NCOR2: variants seen among roughly 807,000 people sequenced by gnomAD.
The protein encoded by NCOR2 is nuclear receptor corepressor 2.
NCOR2 carries 81 observed loss-of-function variants against 262.9 expected under a neutral mutation model. The observed-to-expected ratio is 0.31, with a 90% CI of 0.26 to 0.37. The LOEUF is 0.37. Among genes scored for constraint, NCOR2 ranks in the 10% least tolerant of loss-of-function variants. NCOR2 has a pLI of 1.00. For missense variants in NCOR2, 3,385 were observed against 3,621.4 expected (o/e 0.93, Z 1.68); for synonymous variants, 1,659 against 1,559.3 (o/e 1.06, Z -1.51).
chr12:124,447,810 C>A (rs1415231206), intron 7 of NCOR2, among the ~76,000 whole-genome samples: 1 of 151,886 alleles, frequency 6.6e-6, no homozygotes, highest in Non-Finnish European at 1.5e-5. Flanking sequence ...GATTCTCCCT[C>A]CTTCGCCTCC....
In NCOR2 at chr12:124,544,461, C is replaced by T. The variant is rs553541286; in HGVS notation, c.-164-8850G>A. The stretch of plus-strand genomic sequence containing the variant: ...CTCCCTGGAGGGCGGGGGCACCATC[C>T]GCCAGAAGCAATTAATTGCTGGGTC... On this transcript the variant is annotated intron_variant, in intron 1 of 32. Transcript: ENST00000458234. Among the ~76,000 whole-genome samples, 67 of 152,288 alleles carry T rather than the reference C, an allele frequency of 4.4e-4. No individual in the cohort carries two copies. In the South Asian group the frequency reaches 5.0e-3, roughly 11 times the overall value.
intron 1 of NCOR2, among the ~76,000 whole-genome samples, chr12:124,488,551 T>G (rs1407575814): frequency 1.3e-5 from 2 of 152,022 alleles, no homozygotes; most frequent in South Asian, 2.1e-4. Flanking sequence ...GGCACGAGCC[T>G]CCTCCTGCAT....
intron 3 of NCOR2, among the ~76,000 whole-genome samples, chr12:124,476,193 G>A (rs759978650): frequency 9.2e-5 from 14 of 152,186 alleles, no homozygotes; most frequent in South Asian, 2.1e-4. Context: ...GGCTGGCTCC[G>A]CTACCCAGAG....
chr12:124,413,058 C>A (rs2042671212), intron 13 of NCOR2, among the ~76,000 whole-genome samples: 1 of 152,212 alleles, frequency 6.6e-6, no homozygotes, highest in Non-Finnish European at 1.5e-5. Context: ...ACTTCTCACC[C>A]CCAGCCCACA....
intron 13 of NCOR2, among the ~76,000 whole-genome samples, chr12:124,417,328 C>T (rs1593446261): frequency 1.3e-5 from 2 of 152,092 alleles, no homozygotes; most frequent in Admixed American, 1.3e-4. Flanking sequence ...CTCACTCTAC[C>T]ACAGTACAGG....
exon 43 of NCOR2, chr12:124,332,383 G>T: frequency 6.2e-7 from 1 of 1,614,210 alleles, no homozygotes; most frequent in South Asian, 1.1e-5. Flanking sequence ...TCTTGGACTT[G>T]ACCATGGCGG....
chr12:124,427,389 A>G lies in NCOR2; in HGVS notation c.1150-589T>C, dbSNP rs550350242. On this transcript the variant is annotated intron_variant, in intron 10 of 46. Coordinates refer to ENST00000405201, the Ensembl canonical transcript of NCOR2. ...CGGCAGGAGTCAGGCGGCCGCTCCT[A>G]ATGCACTGGGATGACTATTAAGAGG... is the stretch of plus-strand genomic sequence containing the variant. 1.3e-5 allele frequency among the ~76,000 whole-genome samples: 2 copies of G among 152,116 alleles called. 1 individual carries two copies. Among genetic ancestry groups the G allele is most frequent in the Admixed American group, 1.3e-4 (2 of 15,284 alleles).
chr12:124,554,820 G>A (rs912880711), intron 1 of NCOR2, among the ~76,000 whole-genome samples: 2 of 152,258 alleles, frequency 1.3e-5, no homozygotes, highest in Admixed American at 6.5e-5. Context: ...ATTTATAGCT[G>A]AGCAGGGAGA....
intron 2 of NCOR2, among the ~76,000 whole-genome samples, chr12:124,485,731 T>C (rs1181827289): frequency 6.6e-6 from 1 of 152,214 alleles, no homozygotes; most frequent in African/African-American, 2.4e-5. Flanking sequence ...CCTCGACTTC[T>C]AGTCCTGGCT....
At chr12:124,371,970 C>T in intron 20 of NCOR2, 52 bp downstream of exon 22, 1 of 1,507,558 alleles carries the variant, frequency 6.6e-7, no homozygotes, top group Non-Finnish European at 8.9e-7. Context: ...GTAGTCGCTG[C>T]TCAGTGTCTG....
At position 124,378,756 on chromosome 12, in the gene NCOR2, C is replaced by T. The variant is rs147370947; in HGVS notation, c.2020-372G>A. On this transcript the variant is annotated intron_variant, in intron 17 of 46. Transcript: ENST00000405201. This position sits in a 1 kb window ranked among gnomAD's most constrained non-coding sequence, Gnocchi z 4.2. ...TCGGCACACGTGGAGTGAATGAACA[C>T]AGGAAGCTTTTCCTTGCTATGCAAG... 3.2e-4 allele frequency among the ~76,000 whole-genome samples: 49 copies of T among 152,324 alleles called. No homozygotes were observed. The highest frequency in any genetic ancestry group is 1.1e-3 in the African/African-American group (46 of 41,566).
chr12:124,415,116 C>G (rs963466417), intron 13 of NCOR2, among the ~76,000 whole-genome samples: 1 of 152,156 alleles, frequency 6.6e-6, no homozygotes, highest in Non-Finnish European at 1.5e-5. Flanking sequence ...GCTGAGGCAG[C>G]GGGGTAGTGG....
intron 1 of NCOR2, among the ~76,000 whole-genome samples, chr12:124,509,697 G>T (rs2049279317): frequency 6.6e-6 from 1 of 152,182 alleles, no homozygotes; most frequent in Admixed American, 6.5e-5. Flanking sequence ...GAGCCAGGGA[G>T]AGGCCTGTCC....
At chr12:124,540,637 G>A (rs940201862) in intron 1 of NCOR2, among the ~76,000 whole-genome samples, 6 of 4,604 alleles carry the variant, frequency 1.3e-3, no homozygotes, top group African/African-American at 8.0e-3. Context: ...AGCTAGAGGG[G>A]GGTGGGGAGT....
At chr12:124,463,504 G>A (rs376205940) in intron 5 of NCOR2, among the ~76,000 whole-genome samples, 2 of 152,218 alleles carry the variant, frequency 1.3e-5, no homozygotes, top group Admixed American at 6.5e-5. Flanking sequence ...CCAGGAGGCG[G>A]GGAGGCGGGA....
intron 7 of NCOR2, among the ~76,000 whole-genome samples, chr12:124,445,447 C>T (rs988390571): frequency 2.0e-5 from 3 of 152,360 alleles, no homozygotes; most frequent in East Asian, 3.9e-4. Flanking sequence ...GACTCCAACG[C>T]GTCCGAAATC....
At chr12:124,340,646 G>T in exon 35 of NCOR2, 1 of 1,497,260 alleles carries the variant, frequency 6.7e-7, no homozygotes, top group Non-Finnish European at 8.8e-7. Context: ...GAAGGGCTGG[G>T]GCGCGGTGGG....
chr12:124,345,012 TC>T, intron 31 of NCOR2, 61 bp from the exon 34 acceptor site: 1 of 1,395,354 alleles, frequency 7.2e-7, no homozygotes, highest in Non-Finnish European at 9.5e-7. Context: ...ACCAGCTGCA[TC>T]CCCCTTCTGA....
At chr12:124,466,140 CG>C in intron 5 of NCOR2, 32 bp downstream of exon 7, 4 of 1,579,520 alleles carry the variant, frequency 2.5e-6, no homozygotes, top group East Asian at 2.4e-5. Context: ...TGGCCAGCAC[CG>C]GGGGGCAGCA....
Sources: gnomAD v4.1 joint callset for allele counts (sites outside exome capture counted in the v4.1 genomes callset) on GRCh38, gnomAD v4.1.1 for gene constraint, Gnocchi (gnomAD v3.1) non-coding constraint, MANE v1.5 for transcripts, NCBI Gene and HGNC (gene_info 2026-07-23, HGNC 2026-07-21) for gene names.